NEK6: variants seen among roughly 807,000 people sequenced by gnomAD.
NEK6 encodes serine/threonine-protein kinase Nek6.
NEK6 carries 27 observed loss-of-function variants against 43.5 expected under a neutral mutation model. That is an observed-to-expected ratio of 0.62 (90% CI 0.46 to 0.86). The LOEUF (loss-of-function observed/expected upper bound fraction) is 0.86. Ranked by LOEUF, NEK6 falls within the 40% of genes least tolerant of loss-of-function variation. The pLI is 0.00. For missense variants in NEK6, 318 were observed against 414.4 expected (o/e 0.77, Z 2.02); for synonymous variants, 167 against 164.1 (o/e 1.02, Z -0.14).
At chr9:124,311,579 C>T (rs1401955522) in intron 2 of NEK6, among the ~76,000 whole-genome samples, 2 of 152,186 alleles carry the variant, frequency 1.3e-5, no homozygotes, top group East Asian at 1.9e-4. Flanking sequence ...CAGGTCCTAG[C>T]GCAGGATCAT....
intron 5 of NEK6, among the ~76,000 whole-genome samples, 195 bp downstream of exon 5, chr9:124,321,764 G>C (rs904925200): frequency 6.6e-6 from 1 of 152,228 alleles, no homozygotes; most frequent in African/African-American, 2.4e-5. Context: ...TCCGTCCCCA[G>C]CTGCTGTTGC....
At chr9:124,342,686 A>G (rs868093825) in intron 8 of NEK6, among the ~76,000 whole-genome samples, 3 of 152,252 alleles carry the variant, frequency 2.0e-5, no homozygotes, top group South Asian at 2.1e-4. Flanking sequence ...TCAGTCTCCG[A>G]GGAGGCTCCA....
rs933576085 is a variant in NEK6, at chr9:124,312,383, A to G, written c.91-126A>G. On this transcript the variant is annotated intron_variant, in intron 2 of 9. Coordinates refer to ENST00000320246, the MANE Select transcript of NEK6 (RefSeq NM_014397.6). ...GGGGTGCCTGGGAGGCTCCCAGAGC[A>G]GGGTTGGCAGCAGAGTCCCTCCTTC... 9.6e-6 allele frequency: 11 copies of G among 1,140,602 alleles called. No individual in the cohort carries two copies. In the Admixed American group the frequency reaches 2.9e-4, roughly 30 times the overall value. The allele number at this position is 1,140,602 out of a possible 1,614,324, so 70.7% of individuals were successfully genotyped here.
intron 1 of NEK6, among the ~76,000 whole-genome samples, chr9:124,271,424 A>T (rs1200191154): frequency 6.6e-6 from 1 of 152,210 alleles, no homozygotes; most frequent in Non-Finnish European, 1.5e-5. Context: ...TACTCTGAAA[A>T]CATGGACAAG....
chr9:124,322,805 G>A (rs142578993), intron 5 of NEK6, among the ~76,000 whole-genome samples: 1 of 152,356 alleles, frequency 6.6e-6, no homozygotes, highest in African/African-American at 2.4e-5. Context: ...CAGGCACTGG[G>A]GATTGAGCAA....
chr9:124,297,622 C>T (rs1275941503), intron 1 of NEK6, among the ~76,000 whole-genome samples: 1 of 152,204 alleles, frequency 6.6e-6, no homozygotes, highest in Non-Finnish European at 1.5e-5. Flanking sequence ...TTGCTTGAGG[C>T]AGAAGAAAAG....
At chr9:124,333,219 G>C (rs550202647) in intron 7 of NEK6, among the ~76,000 whole-genome samples, 31 of 152,358 alleles carry the variant, frequency 2.0e-4, no homozygotes, top group African/African-American at 7.2e-4. Flanking sequence ...GTTGGGCATT[G>C]TGCTCTGTAG....
At chr9:124,272,619 A>C (rs544231341) in intron 1 of NEK6, among the ~76,000 whole-genome samples, 2 of 152,322 alleles carry the variant, frequency 1.3e-5, no homozygotes, top group South Asian at 4.1e-4. Context: ...TTGAGAAATC[A>C]GTTTTTCCAG....
intron 7 of NEK6, among the ~76,000 whole-genome samples, chr9:124,335,624 C>A (rs1265136429): frequency 2.6e-5 from 4 of 152,216 alleles, no homozygotes; most frequent in Non-Finnish European, 5.9e-5. Flanking sequence ...AGCTCACAGG[C>A]AGGCGGACTC....
chr9:124,325,533 C>G (rs1834291258), intron 5 of NEK6, among the ~76,000 whole-genome samples: 1 of 152,246 alleles, frequency 6.6e-6, no homozygotes, highest in Admixed American at 6.5e-5. Flanking sequence ...AGCTGGTATG[C>G]AGGTAGCTGG....
chr9:124,351,205 G>T lies in NEK6; in HGVS notation c.*258G>T, dbSNP rs1830257980. 3 of 387,776 alleles carry T rather than the reference G, an allele frequency of 7.7e-6. No individual in the cohort carries two copies. Among genetic ancestry groups the T allele is most frequent in the African/African-American group, 6.2e-5 (3 of 48,646 alleles). 24.0% of individuals were successfully genotyped at this position (387,776 alleles called of 1,614,324 possible). On this transcript the variant is annotated 3_prime_UTR_variant, in exon 10 of 10. Transcript: ENST00000320246. ...GGACAATCTCAGCTGGGTCAATAAG[G>T]GCAGGTGGTTCAGCGAGCCACGGCA...
chr9:124,310,889 A>T (rs566295661), intron 2 of NEK6, among the ~76,000 whole-genome samples: 134 of 152,348 alleles, frequency 8.8e-4, no homozygotes, highest in African/African-American at 3.1e-3. Context: ...CCTGGCCTAG[A>T]AGAGACATTT....
chr9:124,298,031 G>C (rs1313792083), intron 1 of NEK6, among the ~76,000 whole-genome samples: 1 of 152,230 alleles, frequency 6.6e-6, no homozygotes, highest in Non-Finnish European at 1.5e-5. Context: ...CAAAGAGGGA[G>C]TTTAGAGTCA....
intron 1 of NEK6, among the ~76,000 whole-genome samples, chr9:124,261,739 C>T (rs1564609973): frequency 6.6e-6 from 1 of 152,148 alleles, no homozygotes; most frequent in African/African-American, 2.4e-5. Context: ...CTGCCAGTGT[C>T]CTTCGGTGTT....
intron 1 of NEK6, among the ~76,000 whole-genome samples, chr9:124,289,693 G>A (rs568722399): frequency 5.3e-5 from 8 of 152,322 alleles, no homozygotes; most frequent in African/African-American, 1.9e-4. Flanking sequence ...AAATGAGCAC[G>A]TGATTAAATA....
rs186885679 is a variant in NEK6 at position 124,314,519 on chromosome 9, C to T, written c.294+534C>T. Among the ~76,000 whole-genome samples, 51 of 151,204 alleles carry T rather than the reference C, an allele frequency of 3.4e-4. No individual in the cohort carries two copies. In the East Asian group the frequency reaches 8.4e-3, roughly 25 times the overall value. On this transcript the variant is annotated intron_variant, in intron 4 of 9. Transcript: ENST00000320246. ...GTGGGTTTTTTTTTTATTTTAGAGGCAAACTCTGTTGCCTGGACTGTAGTG... is the reference window on the plus strand; with the variant it reads ...GTGGGTTTTTTTTTTATTTTAGAGGTAAACTCTGTTGCCTGGACTGTAGTG...
chr9:124,327,773 G>A (rs1216783576), intron 7 of NEK6, among the ~76,000 whole-genome samples: 1 of 152,216 alleles, frequency 6.6e-6, no homozygotes, highest in African/African-American at 2.4e-5. Flanking sequence ...TTCACGGGCA[G>A]CACCCTTGGT....
rs545391087 is a variant in NEK6, at chr9:124,347,545, G to T, written c.718-164G>T. Among the ~76,000 whole-genome samples the T allele has an allele frequency of 3.3e-5, 5 of 152,296 alleles. No homozygotes were observed. In the South Asian group the frequency reaches 1.0e-3, roughly 32 times the overall value. On this transcript the variant is annotated intron_variant, in intron 8 of 9. Coordinates refer to ENST00000320246, the MANE Select transcript of NEK6 (RefSeq NM_014397.6). ...GTAGTGTTGCGCCTGCTCCTCTGTTGAACCCCAGCATGCTCGGTGATTCGG... is the reference window on the plus strand; with the variant it reads ...GTAGTGTTGCGCCTGCTCCTCTGTTTAACCCCAGCATGCTCGGTGATTCGG...
At chr9:124,261,618 G>T in intron 1 of NEK6, 2 of 982,032 alleles carry the variant, frequency 2.0e-6, no homozygotes, top group Non-Finnish European at 2.4e-6. Flanking sequence ...TAAGTCCCCT[G>T]CCTGCCTTTT....
Sources: allele counts gnomAD v4.1 joint callset (sites outside exome capture counted in the v4.1 genomes callset), GRCh38; gene constraint gnomAD v4.1.1; transcripts MANE v1.5; gene names NCBI Gene and HGNC (gene_info 2026-07-23, HGNC 2026-07-21).